The following ASTN2 variants were observed in gnomAD, a reference collection of about 807,000 sequenced individuals.
ASTN2 encodes astrotactin 2.
A neutral mutation model predicts 139.8 loss-of-function variants in ASTN2; 54 were observed. That is an observed-to-expected ratio of 0.39 (90% CI 0.31 to 0.48). The LOEUF (loss-of-function observed/expected upper bound fraction) is 0.48, where lower values mean the gene tolerates loss of function less well. Ranked by LOEUF, ASTN2 falls within the 20% of genes least tolerant of loss-of-function variation. The pLI, the probability that ASTN2 is intolerant of heterozygous loss-of-function variation, is 0.95. For missense variants in ASTN2, 1,565 were observed against 1,725.1 expected (o/e 0.91, Z 1.64); for synonymous variants, 756 against 719.5 (o/e 1.05, Z -0.81).
At position 116,992,092 on chromosome 9, in the gene ASTN2, T is replaced by C. The variant is rs530689523; in HGVS notation, c.1592-15307A>G. Among the ~76,000 whole-genome samples the C allele has an allele frequency of 4.6e-5, 7 of 152,304 alleles. No individual in the cohort carries two copies. The South Asian group carries it at 1.5e-3, about 32-fold the overall frequency. On this transcript the variant is annotated intron_variant, in intron 7 of 22. Coordinates refer to ENST00000313400, the MANE Select transcript of ASTN2 (RefSeq NM_001365068.1). ...ATGTGGCAAGAGGCCATGCAAAATG[T>C]AATGGCTCAAGTTTGGAGCTGGGAG...
intron 3 of ASTN2, among the ~76,000 whole-genome samples, chr9:117,200,293 T>C (rs1051197062): frequency 1.2e-4 from 18 of 149,002 alleles, no homozygotes; most frequent in African/African-American, 4.4e-4. Flanking sequence ...AAATATAAAA[T>C]TATGTCATCT....
intron 19 of ASTN2, among the ~76,000 whole-genome samples, chr9:116,564,048 A>G (rs1383039249): frequency 6.6e-6 from 1 of 152,226 alleles, no homozygotes; most frequent in Non-Finnish European, 1.5e-5. Context: ...CTAGTTTAAG[A>G]TTGATATTTT....
chr9:116,523,706 C>G lies in ASTN2; in HGVS notation c.3356-36206G>C, dbSNP rs1037540601. On this transcript the variant is annotated intron_variant, in intron 19 of 22. Coordinates refer to ENST00000313400, the MANE Select transcript of ASTN2 (RefSeq NM_001365068.1). ...GAAGAGGCTCTGAGGGGATGGCTACCAGGTTTGGCTTGGGTAAACATGGGC... is the reference window on the plus strand; with the variant it reads ...GAAGAGGCTCTGAGGGGATGGCTACGAGGTTTGGCTTGGGTAAACATGGGC... Among the ~76,000 whole-genome samples, 7 of 152,086 alleles carry G rather than the reference C, an allele frequency of 4.6e-5. No individual in the cohort carries two copies. In the South Asian group the frequency reaches 1.2e-3, roughly 27 times the overall value.
intron 17 of ASTN2, among the ~76,000 whole-genome samples, chr9:116,630,443 T>C (rs1856690953): frequency 6.6e-6 from 1 of 152,182 alleles, no homozygotes; most frequent in Admixed American, 6.5e-5. Context: ...GAATTAGGAC[T>C]CAAACACAGG....
At chr9:116,837,651 C>T (rs1279614203) in intron 11 of ASTN2, among the ~76,000 whole-genome samples, 1 of 151,506 alleles carries the variant, frequency 6.6e-6, no homozygotes, top group East Asian at 2.0e-4. Context: ...GCTGTTTTAC[C>T]ACCCCACCCC....
intron 10 of ASTN2, among the ~76,000 whole-genome samples, chr9:116,905,856 T>G (rs1834141632): frequency 6.9e-6 from 1 of 144,956 alleles, no homozygotes; most frequent in Non-Finnish European, 1.5e-5. Context: ...ATCCCTGTTT[T>G]TTTTTTTTTT....
At position 116,966,989 on chromosome 9, in the gene ASTN2, C is replaced by T. The variant is rs145123128; in HGVS notation, c.1889+8219G>A. Among the ~76,000 whole-genome samples, 1,124 of 152,272 alleles carry T rather than the reference C, an allele frequency of 7.4e-3. 10 individuals carry two copies. Among genetic ancestry groups the T allele is most frequent in the Non-Finnish European group, 1.0e-2 (677 of 68,012 alleles). ...AACATCCTGAGTTGAAATCCTGATT[C>T]GGCCACATACTACCCATGTGACATT... On this transcript the variant is annotated intron_variant, in intron 10 of 22. Transcript: ENST00000313400.
intron 3 of ASTN2, among the ~76,000 whole-genome samples, chr9:117,183,565 A>T (rs1831127008): frequency 6.6e-6 from 1 of 152,168 alleles, no homozygotes; most frequent in African/African-American, 2.4e-5. Flanking sequence ...GCATTTACTA[A>T]TTTGCCCAAG....
intron 12 of ASTN2, among the ~76,000 whole-genome samples, chr9:116,813,845 G>C (rs1052131697): frequency 6.6e-6 from 1 of 152,030 alleles, no homozygotes; most frequent in Non-Finnish European, 1.5e-5. Flanking sequence ...GACCAGCCTG[G>C]TCAACATGGC....
chr9:117,184,041 C>T (rs1247043305), intron 3 of ASTN2, among the ~76,000 whole-genome samples: 1 of 152,196 alleles, frequency 6.6e-6, no homozygotes, highest in Non-Finnish European at 1.5e-5. Flanking sequence ...GAATATCCAT[C>T]TGACCTCCTT....
At chr9:116,775,794 AAGG>A (rs1346797697) in intron 13 of ASTN2, among the ~76,000 whole-genome samples, 1 of 139,834 alleles carries the variant, frequency 7.2e-6, no homozygotes, top group Admixed American at 7.2e-5. Flanking sequence ...AGGAGGAGGG[AAGG>A]AGGAGGGAAG....
chr9:116,497,356 A>C (rs888777453), intron 19 of ASTN2, among the ~76,000 whole-genome samples: 1 of 152,286 alleles, frequency 6.6e-6, no homozygotes, highest in Non-Finnish European at 1.5e-5. Context: ...GTTCACAAGC[A>C]GTTATCGAAC....
In ASTN2 at chr9:116,426,101, A is replaced by T; in HGVS notation, c.3783-13T>A. 6.2e-7 allele frequency: 1 copy of T among 1,611,210 alleles called. No individual in the cohort carries two copies. The highest frequency in any genetic ancestry group is 1.1e-5 in the South Asian group (1 of 91,054). ...CAGGTGGGCCTTCCTGAAAGGTAGG[A>T]TGAGACAGCCATGATTAAAGAAGTC... On this transcript the variant is annotated splice_polypyrimidine_tract_variant and intron_variant, in intron 22 of 22. Transcript: ENST00000313400.
At chr9:116,543,867 C>T (rs1851980387) in intron 19 of ASTN2, 1 of 152,142 alleles carries the variant, frequency 6.6e-6, no homozygotes, top group Non-Finnish European at 1.5e-5. Flanking sequence ...GTATCTTCTG[C>T]TGAGCTACAG....
chr9:117,012,700 C>A (rs529612472), intron 6 of ASTN2, among the ~76,000 whole-genome samples: 3 of 152,316 alleles, frequency 2.0e-5, no homozygotes, highest in East Asian at 1.9e-4. Context: ...GCAAAGGAGA[C>A]CATGACATAA....
chr9:117,215,562 G>A, intron 2 of ASTN2, among the ~76,000 whole-genome samples: 1 of 151,412 alleles, frequency 6.6e-6, no homozygotes, highest in East Asian at 1.9e-4. Context: ...ACATTAATTT[G>A]AAATAAGCTA....
intron 10 of ASTN2, among the ~76,000 whole-genome samples, chr9:116,939,726 A>G (rs1219887722): frequency 1.3e-5 from 2 of 152,192 alleles, no homozygotes; most frequent in Non-Finnish European, 2.9e-5. Context: ...TACAATACCA[A>G]TGTGGTCTCA....
At chr9:116,810,091 G>A (rs1831125605) in intron 12 of ASTN2, among the ~76,000 whole-genome samples, 1 of 152,140 alleles carries the variant, frequency 6.6e-6, no homozygotes, top group South Asian at 2.1e-4. Flanking sequence ...ACTAGCTTTT[G>A]TGCACAAGCT....
chr9:116,932,823 T>C (rs1019257594), intron 10 of ASTN2, among the ~76,000 whole-genome samples: 2 of 151,774 alleles, frequency 1.3e-5, no homozygotes, highest in Admixed American at 6.6e-5. Flanking sequence ...CTGGCCAACA[T>C]GGCGAAACCC....
Sources: allele counts gnomAD v4.1 joint callset (sites outside exome capture counted in the v4.1 genomes callset), GRCh38; gene constraint gnomAD v4.1.1; transcripts MANE v1.5; gene names NCBI Gene and HGNC (gene_info 2026-07-23, HGNC 2026-07-21).